RAPGEF6: variants seen among roughly 807,000 people sequenced by gnomAD.
RAPGEF6 encodes the protein Rap guanine nucleotide exchange factor 6, also known as PDZ domain containing guanine nucleotide exchange factor (GEF) 2.
A neutral mutation model predicts 171.4 loss-of-function variants in RAPGEF6; 56 were observed. The ratio of observed to expected loss-of-function variants is 0.33; its 90% CI spans 0.26 to 0.41. The LOEUF is 0.41. RAPGEF6 is among the 10% of genes least tolerant of loss of function. The probability of loss-of-function intolerance (pLI) is 1.00; values close to 1 mark genes in which losing one functional copy is unlikely to be tolerated. For missense variants in RAPGEF6, 1,674 were observed against 1,921.4 expected (o/e 0.87, Z 2.41); for synonymous variants, 692 against 650.1 (o/e 1.06, Z -0.98).
chr5:131,555,790 G>A (rs114022038), intron 5 of RAPGEF6, among the ~76,000 whole-genome samples: 383 of 152,088 alleles, frequency 2.5e-3, no homozygotes, highest in South Asian at 6.6e-3. Context: ...TATAACGTGC[G>A]TCTATATACA....
rs185448271 is a variant in RAPGEF6 at position 131,585,864 on chromosome 5, T to C, written c.281+6519A>G. On this transcript the variant is annotated intron_variant, in intron 4 of 27. Transcript: ENST00000509018. ...AAAAAAAGCAACCATTTGTCTCTTA[T>C]CTACCTATGACCTGGAAGCCCCCTC... Among the ~76,000 whole-genome samples the C allele has an allele frequency of 5.2e-3, 795 of 152,242 alleles. 6 individuals carry two copies. The highest frequency in any genetic ancestry group is 0.018 in the African/African-American group (756 of 41,546).
intron 24 of RAPGEF6, among the ~76,000 whole-genome samples, chr5:131,439,025 C>A (rs1442160862): frequency 6.6e-6 from 1 of 152,076 alleles, no homozygotes; most frequent in Non-Finnish European, 1.5e-5. Context: ...CAGGCTCAAG[C>A]GATCCTCTCA....
At chr5:131,540,759 G>A (rs772750693) in intron 6 of RAPGEF6, among the ~76,000 whole-genome samples, 1 of 152,206 alleles carries the variant, frequency 6.6e-6, no homozygotes, top group Non-Finnish European at 1.5e-5. Context: ...AGAGAATAAA[G>A]TTAAATAAAG....
chr5:131,632,659 C>T (rs1766385637), intron 1 of RAPGEF6, among the ~76,000 whole-genome samples: 1 of 152,172 alleles, frequency 6.6e-6, no homozygotes, highest in Non-Finnish European at 1.5e-5. Flanking sequence ...CTGCTAGACT[C>T]CCAATAAGCA....
chr5:131,439,595 C>A lies in RAPGEF6; in HGVS notation c.3731G>T (p.Gly1244Val), dbSNP rs759885801. 8 of 1,611,364 alleles carry A rather than the reference C, an allele frequency of 5.0e-6. No individual in the cohort carries two copies. In the South Asian group the frequency reaches 8.8e-5, roughly 18 times the overall value. The change falls in exon 24 of 28, where the codon GGC becomes GTC. Residue 1244 changes from glycine (G) to valine (V), a missense_variant. Physicochemically the swap from Gly to Val is moderately radical, Grantham distance 109. Coordinates refer to ENST00000509018, the MANE Select transcript of RAPGEF6 (RefSeq NM_016340.6). ...TTTTGTCTTACCTTTGTGAGGGGAG[C>A]CTTGAGGAGATGCAGGAGGACTAGA... ...LHSSPPASPQ[G>V]SPHKGYTLIP... is the part of the protein sequence containing the mutation.
chr5:131,479,850 T>C (rs911550513), intron 15 of RAPGEF6, 97 bp from the exon 16 acceptor site: 1 of 1,285,608 alleles, frequency 7.8e-7, no homozygotes, highest in African/African-American at 1.5e-5. Flanking sequence ...GACTTTCCAT[T>C]ATTTGAACTT....
intron 17 of RAPGEF6, chr5:131,469,793 A>G (rs1561489084): frequency 4.0e-6 from 6 of 1,512,922 alleles, no homozygotes; most frequent in Non-Finnish European, 5.3e-6. Flanking sequence ...AGTCTTTAAG[A>G]TACTTACAAT....
rs138546747 is a variant in RAPGEF6, at chr5:131,437,164, A to T, written c.3745+2417T>A. ...ATAGTACACATGCAAGAACAAGCTG[A>T]AACAGTTTTGAAGAGAAGAATTTCT... On this transcript the variant is annotated intron_variant, in intron 24 of 27. Coordinates refer to ENST00000509018, the MANE Select transcript of RAPGEF6 (RefSeq NM_016340.6). Among the ~76,000 whole-genome samples, 328 of 152,372 alleles carry T rather than the reference A, an allele frequency of 2.2e-3. 1 individual carries two copies. The highest frequency in any genetic ancestry group is 3.1e-3 in the Non-Finnish European group (208 of 68,034).
At chr5:131,508,317 G>A (rs2149892657) in intron 8 of RAPGEF6, 110 bp from the exon 9 acceptor site, 1 of 1,130,812 alleles carries the variant, frequency 8.8e-7, no homozygotes, top group South Asian at 1.8e-5. Flanking sequence ...ATAAATTTAT[G>A]TTGCTAAAGT....
At chr5:131,450,266 AAATATGCTTTAG>A (rs1412272932) in intron 21 of RAPGEF6, among the ~76,000 whole-genome samples, 2 of 152,212 alleles carry the variant, frequency 1.3e-5, no homozygotes, top group Admixed American at 6.5e-5. Context: ...TACTTTATAA[AAATATGCTTTAG>A]ACCAATTATA....
intron 1 of RAPGEF6, among the ~76,000 whole-genome samples, chr5:131,606,627 T>A (rs905049072): frequency 2.6e-5 from 4 of 152,240 alleles, no homozygotes; most frequent in Admixed American, 2.6e-4. Flanking sequence ...TCCCATATGC[T>A]CTTTTGCAAT....
At chr5:131,496,033 C>A (rs1339656726) in intron 12 of RAPGEF6, among the ~76,000 whole-genome samples, 1 of 152,134 alleles carries the variant, frequency 6.6e-6, no homozygotes, top group Non-Finnish European at 1.5e-5. Context: ...ACATGTTTAA[C>A]CAAAACGGTA....
At chr5:131,484,734 G>A (rs1438431225) in intron 15 of RAPGEF6, among the ~76,000 whole-genome samples, 1 of 151,992 alleles carries the variant, frequency 6.6e-6, no homozygotes, top group East Asian at 1.9e-4. Context: ...TAACTCAACA[G>A]ATTATGGTAA....
At chr5:131,473,224 C>A (rs1255008712) in intron 16 of RAPGEF6, among the ~76,000 whole-genome samples, 1 of 151,870 alleles carries the variant, frequency 6.6e-6, no homozygotes. Flanking sequence ...AACAATGGGG[C>A]CAAGGTCAAG....
intron 5 of RAPGEF6, among the ~76,000 whole-genome samples, chr5:131,561,419 A>C (rs1761592608): frequency 6.6e-6 from 1 of 152,150 alleles, no homozygotes; most frequent in Admixed American, 6.5e-5. Flanking sequence ...GCACTTTGGG[A>C]GGCCAAGGCA....
intron 15 of RAPGEF6, 57 bp from the exon 16 acceptor site, chr5:131,479,810 C>A: frequency 6.5e-7 from 1 of 1,550,210 alleles, no homozygotes; most frequent in Non-Finnish European, 8.8e-7. Context: ...AATTTTTATA[C>A]CAACAACAAA....
chr5:131,517,330 C>T (rs1053751679), intron 7 of RAPGEF6, among the ~76,000 whole-genome samples: 1 of 151,524 alleles, frequency 6.6e-6, no homozygotes, highest in South Asian at 2.1e-4. Context: ...GAAGACTCCA[C>T]GTTAGAAAAA....
chr5:131,533,945 C>A (rs1561542713), intron 6 of RAPGEF6, among the ~76,000 whole-genome samples: 1 of 152,098 alleles, frequency 6.6e-6, no homozygotes, highest in African/African-American at 2.4e-5. Flanking sequence ...ACCACTAGTA[C>A]CCATCCTTGT....
chr5:131,601,133 C>G (rs1236164751), intron 3 of RAPGEF6, among the ~76,000 whole-genome samples: 1 of 151,180 alleles, frequency 6.6e-6, no homozygotes, highest in Non-Finnish European at 1.5e-5. Context: ...CCTGTAATCC[C>G]AGCACTTTGG....
Sources: allele counts gnomAD v4.1 joint callset (sites outside exome capture counted in the v4.1 genomes callset), GRCh38; gene constraint gnomAD v4.1.1; transcripts MANE v1.5; gene names NCBI Gene and HGNC (gene_info 2026-07-23, HGNC 2026-07-21).